The following RPP38 variants were observed in gnomAD, a reference collection of about 807,000 sequenced individuals.
RPP38 encodes ribonuclease P/MRP subunit p38.
Under a neutral mutation model 1.7 loss-of-function variants are expected in RPP38, and 2 were observed. The observed-to-expected ratio is 1.18, with a 90% confidence interval of 0.48 to 3.70. The LOEUF (loss-of-function observed/expected upper bound fraction) is 3.70, where lower values mean the gene tolerates loss of function less well. Ranked by LOEUF, RPP38 falls within the 30% of genes most tolerant of loss-of-function variation. The probability of loss-of-function intolerance (pLI) is 0.07; values close to 1 mark genes in which losing one functional copy is unlikely to be tolerated. For synonymous variants in RPP38, 151 were observed against 131.8 expected (o/e 1.15, Z -1.00); for missense variants, 358 against 340.1 (o/e 1.05, Z -0.41).
chr10:15,098,226 GTT>G (rs60451551), intron 1 of RPP38, among the ~76,000 whole-genome samples: 22 of 87,998 alleles, frequency 2.5e-4, no homozygotes, highest in African/African-American at 8.2e-4. Flanking sequence ...ATTTGAACGT[GTT>G]TTTTTTTTTT....
In RPP38 at chr10:15,097,439, A is replaced by C. The variant is rs930213944; in HGVS notation, c.-457A>C. On this transcript the variant is annotated 5_prime_UTR_variant, in exon 1 of 3. Coordinates refer to ENST00000378197, the MANE Select transcript of RPP38 (RefSeq NM_183005.5). ...GCGCGCGGGGCCCACGTAGGGCAGGAGGCCAGCCCCGGGGGGATCGGGCCC... is the reference window on the plus strand; with the variant it reads ...GCGCGCGGGGCCCACGTAGGGCAGGCGGCCAGCCCCGGGGGGATCGGGCCC... 5 of 152,290 alleles carry C rather than the reference A, an allele frequency of 3.3e-5. No homozygotes were observed. The highest frequency in any genetic ancestry group is 7.3e-5 in the Non-Finnish European group (5 of 68,106). The allele number at this position is 152,290 out of a possible 1,614,324, so 9.4% of individuals were successfully genotyped here.
chr10:15,101,815 G>C (rs1223892575), intron 1 of RPP38, among the ~76,000 whole-genome samples: 1 of 152,100 alleles, frequency 6.6e-6, no homozygotes, highest in Non-Finnish European at 1.5e-5. Flanking sequence ...GCTTGAATCT[G>C]GGAGGCAGAG....
In RPP38 at chr10:15,103,636, C is replaced by T. The variant is rs768522992; in HGVS notation, c.322C>T (p.His108Tyr). 6.2e-7 allele frequency: 1 copy of T among 1,614,084 alleles called. No homozygotes were observed. The highest frequency in any genetic ancestry group is 1.1e-5 in the South Asian group (1 of 91,074). Residue 108 changes from histidine (H) to tyrosine (Y), a missense_variant, in exon 3 of 3, where the codon CAC becomes TAC. By Grantham distance (83) the His-to-Tyr change is moderately conservative. Transcript: ENST00000378197. ...GCAAGTGTCAGGGTGGACGCCTGCA[C>T]ACGTCAGGAAGCAGCTTGCCATTGG... is the stretch of plus-strand genomic sequence containing the variant. Reference protein sequence around the residue: ...KQQVSGWTPAHVRKQLAIGVN... With the variant: ...KQQVSGWTPAYVRKQLAIGVN...
Position 15,104,190 on chromosome 10 carries a change from TAC to T in RPP38, c.*26_*27del, listed in dbSNP as rs1589276849. On this transcript the variant is annotated 3_prime_UTR_variant, in exon 3 of 3. Coordinates refer to ENST00000378197, the MANE Select transcript of RPP38 (RefSeq NM_183005.5). ...AATCTTGCATAAACTTGTCATGTCA[TAC>T]AGTTTGTGAAAGGACACCTTGTAAA... 6.5e-7 allele frequency: 1 copy of T among 1,542,292 alleles called. No individual in the cohort carries two copies. The highest frequency in any genetic ancestry group is 2.3e-5 in the East Asian group (1 of 44,276).
chr10:15,100,900 C>T (rs972560781), intron 1 of RPP38, among the ~76,000 whole-genome samples: 6 of 152,132 alleles, frequency 3.9e-5, no homozygotes, highest in African/African-American at 1.4e-4. Flanking sequence ...CCAGGCTGGT[C>T]TCGAACTCCT....
chr10:15,104,017 T>A lies in RPP38; in HGVS notation c.703T>A (p.Ser235Thr), dbSNP rs1845215043. 1 of 1,614,004 alleles carries A rather than the reference T, an allele frequency of 6.2e-7. No homozygotes were observed. The highest frequency in any genetic ancestry group is 8.5e-7 in the Non-Finnish European group (1 of 1,180,042). Residue 235 changes from serine (S) to threonine (T), a missense_variant, in exon 3 of 3, where the codon TCA (serine) becomes ACA (threonine). Physicochemically the swap from Ser to Thr is moderately conservative, Grantham distance 58 (BLOSUM62 1). Coordinates refer to ENST00000378197, the MANE Select transcript of RPP38 (RefSeq NM_183005.5). The stretch of plus-strand genomic sequence containing the variant: ...CCAAGACAGAGAGCTTTTGGACACT[T>A]CATTTGAAGATCTGTCAAAACCTAA... ...ESQDRELLDT[S>T]FEDLSKPKRK... is the part of the protein sequence containing the mutation.
At position 15,104,073 on chromosome 10, in the gene RPP38, T is replaced by A. The variant is rs1232662448; in HGVS notation, c.759T>A (p.Ser253=). ...AGCTTGCTGACGGTCGGCAGGCTTC[T>A]GTAACATTACAACCCCTTAAAATAA... is the stretch of plus-strand genomic sequence containing the variant. ...KRKLADGRQA[S]VTLQPLKIKK... is the part of the protein sequence containing the mutation. The change falls in exon 3 of 3, where the codon TCT becomes TCA. Residue 253 remains serine (S), a synonymous_variant. Transcript: ENST00000378197. 6.2e-7 allele frequency: 1 copy of A among 1,613,814 alleles called. No individual in the cohort carries two copies. Among genetic ancestry groups the A allele is most frequent in the Non-Finnish European group, 8.5e-7 (1 of 1,179,960 alleles).
rs60451551 is a variant in RPP38, at chr10:15,098,226, GTTTTTTT to G, written c.-130+477_-130+483del. On this transcript the variant is annotated intron_variant, in intron 1 of 2. Transcript: ENST00000378197. ...AGCCACATTGAACTTATTTGAACGT[GTTTTTTT>G]TTTTTTTTTTTTTTTTGAGACATAG... Among the ~76,000 whole-genome samples the G allele has an allele frequency of 3.3e-3, 294 of 88,004 alleles. 2 individuals carry two copies. Among genetic ancestry groups the G allele is most frequent in the African/African-American group, 0.015 (282 of 19,400 alleles). 57.7% of individuals were successfully genotyped at this position (88,004 alleles called of 152,430 possible). A position where few individuals can be genotyped will look rare whatever the true frequency, so the allele number is the denominator to read the frequency against.
rs569207340 is a variant in RPP38, at chr10:15,103,218, G to A, written c.-10-87G>A. The A allele has an allele frequency of 3.2e-5, 38 of 1,188,820 alleles. No individual in the cohort carries two copies. The East Asian group carries it at 7.9e-4, about 25-fold the overall frequency. The allele number at this position is 1,188,820 out of a possible 1,614,324, so 73.6% of individuals were successfully genotyped here. ...AAAAAATAAATACATAAATAAATAA[G>A]AATCAGAGAGTACAGTCAAGATATT... On this transcript the variant is annotated intron_variant, in intron 2 of 2. Coordinates refer to ENST00000378197, the MANE Select transcript of RPP38 (RefSeq NM_183005.5).
chr10:15,102,726 T>G (rs1487230300), intron 2 of RPP38: 1 of 152,176 alleles, frequency 6.6e-6, no homozygotes, highest in Non-Finnish European at 1.5e-5. Context: ...TGGGGAAAAT[T>G]AAACACTACT....
chr10:15,101,363 T>G (rs1479999785), intron 1 of RPP38, among the ~76,000 whole-genome samples: 1 of 152,188 alleles, frequency 6.6e-6, no homozygotes, highest in Non-Finnish European at 1.5e-5. Flanking sequence ...TCCCTGTGAT[T>G]CTAGCTGAGC....
chr10:15,098,344 C>T (rs1336299565), intron 1 of RPP38, among the ~76,000 whole-genome samples: 1 of 149,552 alleles, frequency 6.7e-6, no homozygotes. Context: ...CCTGCCTCAG[C>T]CTCCCGAGTA....
At chr10:15,099,149 G>A (rs1845043049) in intron 1 of RPP38, among the ~76,000 whole-genome samples, 1 of 152,220 alleles carries the variant, frequency 6.6e-6, no homozygotes, top group Admixed American at 6.5e-5. Context: ...GAAGGGGCCT[G>A]CGGCTGAGGG....
Position 15,103,648 on chromosome 10 carries a change from C to G in RPP38, c.334C>G (p.Gln112Glu). Residue 112 changes from glutamine (Q) to glutamate (E), a missense_variant, in exon 3 of 3, where the codon CAG (glutamine) becomes GAG (glutamate). Physicochemically the swap from Gln to Glu is conservative, Grantham distance 29. Transcript: ENST00000378197. ...SGWTPAHVRK[Q>E]LAIGVNEVTR... The stretch of plus-strand genomic sequence containing the variant: ...GTGGACGCCTGCACACGTCAGGAAG[C>G]AGCTTGCCATTGGCGTTAACGAAGT... The G allele has an allele frequency of 6.2e-7, 1 of 1,614,080 alleles. No individual in the cohort carries two copies. Among genetic ancestry groups the G allele is most frequent in the Non-Finnish European group, 8.5e-7 (1 of 1,180,024 alleles).
rs780364203 is a variant in RPP38, at chr10:15,103,770, A to G, written c.456A>G (p.Leu152=). Residue 152 remains leucine (L), a synonymous_variant, in exon 3 of 3, where the codon CTA becomes CTG. Transcript: ENST00000378197. ...MITSHLIQLS[L]SRSVPACQVP... ...CCTCACACTTGATTCAGTTAAGCCT[A>G]AGCAGAAGTGTCCCTGCCTGTCAGG... 6.2e-7 allele frequency: 1 copy of G among 1,614,000 alleles called. No homozygotes were observed. The highest frequency in any genetic ancestry group is 2.2e-5 in the East Asian group (1 of 44,882).
chr10:15,099,286 G>C (rs953908210), intron 1 of RPP38, among the ~76,000 whole-genome samples: 1 of 152,066 alleles, frequency 6.6e-6, no homozygotes, highest in African/African-American at 2.4e-5. Context: ...TAAGGAGAAA[G>C]AGGGCCTAAG....
chr10:15,101,670 C>T (rs1321086779), intron 1 of RPP38, among the ~76,000 whole-genome samples: 1 of 152,098 alleles, frequency 6.6e-6, no homozygotes, highest in Non-Finnish European at 1.5e-5. Flanking sequence ...GTGGGTGAAT[C>T]ACCTGAGGTC....
intron 1 of RPP38, among the ~76,000 whole-genome samples, chr10:15,098,237 T>G (rs967499342): frequency 2.1e-5 from 3 of 145,454 alleles, no homozygotes; most frequent in Non-Finnish European, 3.0e-5. Context: ...TTTTTTTTTT[T>G]TTTTTTTTTT....
intron 2 of RPP38, 119 bp from the exon 3 acceptor site, chr10:15,103,186 C>G: frequency 1.0e-6 from 1 of 965,206 alleles, no homozygotes; most frequent in East Asian, 2.8e-5. Context: ...GAGTGAAATT[C>G]TGTCTCAAAA....
Sources: gnomAD v4.1 joint callset for allele counts (sites outside exome capture counted in the v4.1 genomes callset) on GRCh38, gnomAD v4.1.1 for gene constraint, MANE v1.5 for transcripts, NCBI Gene and HGNC (gene_info 2026-07-23, HGNC 2026-07-21) for gene names.